Variants in BLVRA observed in about 807,000 individuals in gnomAD.
The protein encoded by BLVRA is biliverdin reductase A, also known as BVR A.
BLVRA carries 22 observed loss-of-function variants against 32.8 expected under a neutral mutation model. That is an observed-to-expected ratio of 0.67 (90% confidence interval 0.48 to 0.96). BLVRA has a LOEUF of 0.96. Among genes scored for constraint, BLVRA ranks in the 40% least tolerant of loss-of-function variants. The pLI is 0.00. For missense variants in BLVRA, 323 were observed against 358.1 expected, an observed-to-expected ratio of 0.90 and a Z score of 0.79; for synonymous variants, 119 against 141.3, an observed-to-expected ratio of 0.84 and a Z score of 1.12.
chr7:43,768,831 G>C (rs989660526), intron 1 of BLVRA, among the ~76,000 whole-genome samples: 1 of 152,002 alleles, frequency 6.6e-6, no homozygotes, highest in Admixed American at 6.6e-5. Flanking sequence ...GGGACCCTCT[G>C]CTCCCGTGTC....
chr7:43,762,803 G>A (rs903252051), intron 1 of BLVRA, among the ~76,000 whole-genome samples: 1 of 151,728 alleles, frequency 6.6e-6, no homozygotes, highest in Non-Finnish European at 1.5e-5. Context: ...GTAGACATGG[G>A]GTTTCACCAT....
chr7:43,797,171 T>C (rs1008985082), intron 5 of BLVRA, among the ~76,000 whole-genome samples: 11 of 152,216 alleles, frequency 7.2e-5, no homozygotes, highest in Non-Finnish European at 1.2e-4. Flanking sequence ...GGCGCAAACC[T>C]CCGCCTCCTG....
chr7:43,806,482 C>G (rs2095804147), intron 7 of BLVRA, among the ~76,000 whole-genome samples: 1 of 152,220 alleles, frequency 6.6e-6, no homozygotes, highest in Non-Finnish European at 1.5e-5. Flanking sequence ...TGGCTCACGC[C>G]TGTAATCCCA....
rs1161310708 is a variant in BLVRA, at chr7:43,787,832, T to A, written c.13-72T>A. 13 of 1,612,634 alleles carry A rather than the reference T, an allele frequency of 8.1e-6. No individual in the cohort carries two copies. The East Asian group carries it at 2.2e-4, about 28-fold the overall frequency. ...TCTTGCTCGTCGGGACCCTGCCAGC[T>A]CCTTTGTTTTGTAGTTTTCTGCTCG... On this transcript the variant is annotated intron_variant, in intron 2 of 7. Coordinates refer to ENST00000265523, the MANE Select transcript of BLVRA (RefSeq NM_000712.4). The surrounding 1 kb of genome is among the most constrained non-coding windows in gnomAD (Gnocchi z 4.5).
chr7:43,762,361 T>C (rs1446771141), intron 1 of BLVRA, among the ~76,000 whole-genome samples: 1 of 151,778 alleles, frequency 6.6e-6, no homozygotes, highest in Non-Finnish European at 1.5e-5. Flanking sequence ...TGGTGAGAAA[T>C]ACTGGGTTAA....
Position 43,771,193 on chromosome 7 carries a change from T to C in BLVRA, c.12+23T>C, listed in dbSNP as rs574659548. The C allele has an allele frequency of 8.7e-6, 14 of 1,612,434 alleles. No individual in the cohort carries two copies. In the African/African-American group the frequency reaches 1.7e-4, roughly 20 times the overall value. ...GAGGTGAGTTCTTTACAAAGACCAG[T>C]TTAAGGGATGCTTTTCTTATTGTGT... On this transcript the variant is annotated intron_variant, in intron 2 of 7. Transcript: ENST00000265523.
intron 7 of BLVRA, 77 bp from the exon 8 acceptor site, chr7:43,806,900 C>A (rs370194284): frequency 1.9e-5 from 29 of 1,546,954 alleles, no homozygotes; most frequent in Non-Finnish European, 2.5e-5. Context: ...TGTTACCAGG[C>A]GGTCTGGTGC....
At chr7:43,788,138 G>A in intron 3 of BLVRA, 113 bp downstream of exon 3, 2 of 1,565,912 alleles carry the variant, frequency 1.3e-6, no homozygotes, top group East Asian at 2.2e-5. Context: ...TCTCCCAACT[G>A]AGAACTGTGC....
At chr7:43,806,933 T>G in intron 7 of BLVRA, 44 bp from the exon 8 acceptor site, 1 of 1,611,526 alleles carries the variant, frequency 6.2e-7, no homozygotes, top group Non-Finnish European at 8.5e-7. Flanking sequence ...ACTTGTGCTC[T>G]TGTGTAATCT....
At chr7:43,758,247 G>A (rs532693440), upstream of BLVRA, among the ~76,000 whole-genome samples, 1 of 152,266 alleles carries the variant, frequency 6.6e-6, no homozygotes, top group East Asian at 1.9e-4. Context: ...AGTCGGCCCG[G>A]GGCCACTAAA....
At chr7:43,778,160 G>A (rs866126900) in intron 2 of BLVRA, among the ~76,000 whole-genome samples, 3 of 152,130 alleles carry the variant, frequency 2.0e-5, no homozygotes, top group African/African-American at 7.2e-5. Context: ...GCCATTCTCC[G>A]TCCAGCTTTG....
intron 1 of BLVRA, among the ~76,000 whole-genome samples, chr7:43,765,830 CTG>C (rs1442775793): frequency 1.3e-5 from 2 of 152,056 alleles, no homozygotes; most frequent in Non-Finnish European, 2.9e-5. Context: ...AAAAGAATAA[CTG>C]TATTCATAAA....
chr7:43,781,321 C>A (rs2095769129), intron 2 of BLVRA, among the ~76,000 whole-genome samples: 1 of 152,094 alleles, frequency 6.6e-6, no homozygotes, highest in South Asian at 2.1e-4. Context: ...CTACTGACCC[C>A]TGGCAACATA....
Position 43,798,856 on chromosome 7 carries a change from A to C in BLVRA, c.353-1609A>C, listed in dbSNP as rs17239628. On this transcript the variant is annotated intron_variant, in intron 5 of 7. Coordinates refer to ENST00000265523, the MANE Select transcript of BLVRA (RefSeq NM_000712.4). The stretch of plus-strand genomic sequence containing the variant: ...ATCACAATCAGGCATTGAGTGAACG[A>C]CAGGAAAACAACAAAAGACACAGCT... Among the ~76,000 whole-genome samples the C allele has an allele frequency of 7.1e-3, 1,081 of 152,272 alleles. 11 individuals are homozygous for C. Among genetic ancestry groups the C allele is most frequent in the African/African-American group, 0.025 (1,024 of 41,546 alleles).
intron 5 of BLVRA, among the ~76,000 whole-genome samples, chr7:43,799,821 T>G (rs1441674831): frequency 4.6e-5 from 7 of 152,140 alleles, no homozygotes; most frequent in African/African-American, 1.7e-4. Context: ...TCCTCCTGTC[T>G]AGAACAGTAG....
intron 1 of BLVRA, among the ~76,000 whole-genome samples, chr7:43,766,846 A>G (rs750838107): frequency 2.0e-5 from 3 of 152,174 alleles, no homozygotes; most frequent in African/African-American, 7.2e-5. Context: ...AAAAACAGCA[A>G]TGTGGCCAGG....
chr7:43,793,406 G>A (rs1049237988), intron 5 of BLVRA, among the ~76,000 whole-genome samples: 2 of 151,838 alleles, frequency 1.3e-5, no homozygotes, highest in African/African-American at 2.4e-5. Flanking sequence ...CTACTAAGTG[G>A]GAGGTAGAGA....
intron 2 of BLVRA, among the ~76,000 whole-genome samples, chr7:43,772,559 T>C (rs1169233699): frequency 1.3e-5 from 2 of 152,190 alleles, no homozygotes; most frequent in Admixed American, 6.5e-5. Context: ...TCCTGGTCCA[T>C]TTTCATGCTG....
rs1337834726 is a variant in BLVRA, at chr7:43,800,318, C to T, written c.353-147C>T. ...CAGCCTCTTCAGCTGGGGTGGGTGA[C>T]AGTGGTAGGGAGGCCATCCTGGCCA... On this transcript the variant is annotated intron_variant, in intron 5 of 7. Coordinates refer to ENST00000265523, the MANE Select transcript of BLVRA (RefSeq NM_000712.4). The T allele has an allele frequency of 1.1e-5, 8 of 727,202 alleles. No individual in the cohort carries two copies. The Admixed American group carries it at 1.4e-4, about 13-fold the overall frequency. 45.0% of individuals were successfully genotyped at this position (727,202 alleles called of 1,614,324 possible).
Sources: gnomAD v4.1 joint callset for allele counts (sites outside exome capture counted in the v4.1 genomes callset) on GRCh38, gnomAD v4.1.1 for gene constraint, Gnocchi (gnomAD v3.1) non-coding constraint, MANE v1.5 for transcripts, NCBI Gene and HGNC (gene_info 2026-07-23, HGNC 2026-07-21) for gene names.